The following FHOD3 variants were observed in gnomAD, a reference collection of about 807,000 sequenced individuals.
The protein encoded by FHOD3 is FH1/FH2 domain-containing protein 3.
Under a neutral mutation model 173.0 loss-of-function variants are expected in FHOD3, and 90 were observed. The ratio of observed to expected loss-of-function variants is 0.52; its 90% CI spans 0.44 to 0.62. The LOEUF (loss-of-function observed/expected upper bound fraction) is 0.62. Among genes scored for constraint, FHOD3 ranks in the 20% least tolerant of loss-of-function variants. FHOD3 has a pLI of 0.00. For synonymous variants in FHOD3, 828 were observed against 823.0 expected (o/e 1.01, Z -0.10); for missense variants, 1,945 against 2,034.7 (o/e 0.96, Z 0.85).
At chr18:36,758,897 G>C (rs1437086725) in intron 25 of FHOD3, among the ~76,000 whole-genome samples, 1 of 152,180 alleles carries the variant, frequency 6.6e-6, no homozygotes, top group Non-Finnish European at 1.5e-5. Context: ...GAGTCCCTCT[G>C]GTCATGGGTG....
At chr18:36,537,478 T>A (rs943883415) in intron 5 of FHOD3, among the ~76,000 whole-genome samples, 1 of 152,160 alleles carries the variant, frequency 6.6e-6, no homozygotes, top group East Asian at 1.9e-4. Flanking sequence ...CCTGGACTTC[T>A]ACTTCCACCT....
intron 18 of FHOD3, among the ~76,000 whole-genome samples, chr18:36,711,753 T>C (rs1192552603): frequency 3.3e-5 from 5 of 152,136 alleles, no homozygotes; most frequent in African/African-American, 1.2e-4. Context: ...GGACTTAAAT[T>C]ATATGACAGT....
At chr18:36,471,432 T>C (rs1234114814) in intron 3 of FHOD3, among the ~76,000 whole-genome samples, 1 of 152,274 alleles carries the variant, frequency 6.6e-6, no homozygotes, top group Non-Finnish European at 1.5e-5. Context: ...CCCCTTTGTT[T>C]TCCTTGGTCA....
intron 2 of FHOD3, among the ~76,000 whole-genome samples, chr18:36,358,421 A>G (rs2046460458): frequency 6.6e-6 from 1 of 152,206 alleles, no homozygotes; most frequent in Non-Finnish European, 1.5e-5. Context: ...GAGCCAGGGC[A>G]TCCTGCTATA....
intron 1 of FHOD3, among the ~76,000 whole-genome samples, chr18:36,347,238 A>G (rs970121668): frequency 5.9e-5 from 9 of 152,288 alleles, no homozygotes; most frequent in Non-Finnish European, 1.2e-4. Context: ...AGTAAAAAAT[A>G]TATTCCAGCT....
rs753479864 is a variant in FHOD3 at position 36,374,897 on chromosome 18, C to T, written c.337+2153C>T. ...GATTTTCTGCTTTAATCAGCTTTTA[C>T]CATTAATTGCCTTAGGCCTGATTAT... On this transcript the variant is annotated intron_variant, in intron 3 of 28. Transcript: ENST00000590592. 2.6e-5 allele frequency among the ~76,000 whole-genome samples: 4 copies of T among 152,166 alleles called. No individual in the cohort carries two copies. The South Asian group carries it at 8.3e-4, about 32-fold the overall frequency.
At chr18:36,746,839 G>T (rs2042176455) in intron 23 of FHOD3, 106 bp from the exon 24 acceptor site, 2 of 753,212 alleles carry the variant, frequency 2.7e-6, no homozygotes, top group East Asian at 5.6e-5. Flanking sequence ...TTCAAAATGT[G>T]AATTTCGTTT....
chr18:36,519,088 C>T (rs1488151995), intron 5 of FHOD3, among the ~76,000 whole-genome samples: 3 of 152,214 alleles, frequency 2.0e-5, no homozygotes, highest in East Asian at 1.9e-4. Context: ...CTCCTCTTGC[C>T]ACCCACTGTC....
At chr18:36,695,194 A>C (rs2039205555) in intron 17 of FHOD3, among the ~76,000 whole-genome samples, 1 of 150,930 alleles carries the variant, frequency 6.6e-6, no homozygotes, top group East Asian at 1.9e-4. Flanking sequence ...AAAAAAAAAT[A>C]CAAAAAAATT....
intron 1 of FHOD3, among the ~76,000 whole-genome samples, chr18:36,332,229 G>A (rs575459375): frequency 1.3e-5 from 2 of 152,230 alleles, no homozygotes; most frequent in Admixed American, 1.3e-4. Flanking sequence ...TGGCATACCT[G>A]GTTTGCCTTC....
At chr18:36,531,573 C>T (rs892379409) in intron 5 of FHOD3, among the ~76,000 whole-genome samples, 2 of 152,204 alleles carry the variant, frequency 1.3e-5, no homozygotes, top group African/African-American at 4.8e-5. Context: ...GGACAGAATG[C>T]CTCTGGGATG....
chr18:36,474,802 A>C (rs2053467834), intron 3 of FHOD3, among the ~76,000 whole-genome samples: 1 of 152,120 alleles, frequency 6.6e-6, no homozygotes, highest in African/African-American at 2.4e-5. Flanking sequence ...CCCCTTGGCC[A>C]TGGCTGGGAG....
intron 3 of FHOD3, among the ~76,000 whole-genome samples, chr18:36,427,033 G>A (rs560727808): frequency 1.7e-4 from 26 of 152,248 alleles, no homozygotes; most frequent in Admixed American, 4.6e-4. Flanking sequence ...ACATTGAGTC[G>A]AGGTGTGTTT....
At chr18:36,567,670 A>C (rs1453340333) in intron 5 of FHOD3, among the ~76,000 whole-genome samples, 1 of 152,220 alleles carries the variant, frequency 6.6e-6, no homozygotes, top group Non-Finnish European at 1.5e-5. Context: ...CAGTGCTTTT[A>C]ACATTTTTCT....
intron 5 of FHOD3, among the ~76,000 whole-genome samples, chr18:36,517,236 A>G (rs1336218378): frequency 1.3e-5 from 2 of 152,146 alleles, no homozygotes; most frequent in South Asian, 4.1e-4. Flanking sequence ...TGTACTGTGA[A>G]ATTTTGTACC....
intron 3 of FHOD3, among the ~76,000 whole-genome samples, chr18:36,418,137 C>T (rs2049773175): frequency 6.6e-6 from 1 of 152,210 alleles, no homozygotes; most frequent in Non-Finnish European, 1.5e-5. Flanking sequence ...CTTGCCCCTT[C>T]AGGGTGGGTT....
intron 2 of FHOD3, among the ~76,000 whole-genome samples, chr18:36,367,721 A>T (rs78730464): frequency 6.6e-6 from 1 of 152,102 alleles, no homozygotes; most frequent in Admixed American, 6.5e-5. Flanking sequence ...ATATCTATCT[A>T]TCTGATATGG....
In FHOD3 at chr18:36,760,484, T is replaced by C. The variant is rs9958920; in HGVS notation, c.4450-124T>C. 0.012 allele frequency: 10,582 copies of C among 853,098 alleles called. 828 individuals are homozygous for C. In the African/African-American group the frequency reaches 0.17, roughly 13 times the overall value. 52.8% of individuals were successfully genotyped at this position (853,098 alleles called of 1,614,324 possible). On this transcript the variant is annotated intron_variant, in intron 26 of 28. Transcript: ENST00000590592. The stretch of plus-strand genomic sequence containing the variant: ...TAGTTAACTTCAGTGACTGCCGTAA[T>C]GAATGTGTCTGCAAACAAAACAAGA...
At chr18:36,729,795 C>G (rs1447699516) in intron 19 of FHOD3, among the ~76,000 whole-genome samples, 1 of 152,306 alleles carries the variant, frequency 6.6e-6, no homozygotes, top group African/African-American at 2.4e-5. Context: ...CATAAACATT[C>G]AGCTTATAAC....
Sources: gnomAD v4.1 joint callset for allele counts (sites outside exome capture counted in the v4.1 genomes callset) on GRCh38, gnomAD v4.1.1 for gene constraint, MANE v1.5 for transcripts, NCBI Gene and HGNC (gene_info 2026-07-23, HGNC 2026-07-21) for gene names.